C4orf54: variants seen among roughly 807,000 people sequenced by gnomAD.
The protein encoded by C4orf54 is chromosome 4 open reading frame 54, also known as uncharacterized protein C4orf54.
C4orf54 carries 67 observed loss-of-function variants against 80.1 expected under a neutral mutation model. The observed-to-expected ratio is 0.84, with a 90% CI of 0.69 to 1.03. The LOEUF is 1.03. Among genes scored for constraint, C4orf54 ranks in the 50% least tolerant of loss-of-function variants. The pLI is 0.00. For missense variants in C4orf54, 2,434 were observed against 2,253.5 expected (o/e 1.08, Z -1.62); for synonymous variants, 1,000 against 917.0 (o/e 1.09, Z -1.64).
intron 2 of C4orf54, among the ~76,000 whole-genome samples, chr4:99,643,784 ACACACACACC>A (rs1480678321): frequency 2.9e-3 from 358 of 123,148 alleles, no homozygotes; most frequent in African/African-American, 5.5e-3. Context: ...ACACACACAC[ACACACACACC>A]CCCTCCGCGG....
chr4:99,648,830 T>G (rs1726742503), intron 2 of C4orf54, among the ~76,000 whole-genome samples: 1 of 152,174 alleles, frequency 6.6e-6, no homozygotes, highest in South Asian at 2.1e-4. Flanking sequence ...CCTGGGATGT[T>G]CAGTGCCTCC....
Position 99,652,944 on chromosome 4 carries a change from G to A in C4orf54, c.1705C>T (p.Gln569Ter), listed in dbSNP as rs1726881766. 3 of 1,536,186 alleles carry A rather than the reference G, an allele frequency of 2.0e-6. No individual in the cohort carries two copies. Among genetic ancestry groups the A allele is most frequent in the Non-Finnish European group, 2.6e-6 (3 of 1,146,928 alleles). ...AAEHNSSSLK[Q>*]NPAAAVAQDH... ...TGAGCCACTGCTGCAGCCGGGTTTT[G>A]CTTCAGCGAACTTGAATTGTGTTCA... The change falls in exon 2 of 3, where the codon CAA becomes TAA. Residue 569 changes from glutamine to a stop codon, truncating the protein, a stop_gained. Transcript: ENST00000511828. LOFTEE classifies it high-confidence loss of function.
chr4:99,655,351 C>T (rs1243819460), intron 1 of C4orf54, among the ~76,000 whole-genome samples: 1 of 152,178 alleles, frequency 6.6e-6, no homozygotes, highest in Non-Finnish European at 1.5e-5. Flanking sequence ...CCCTACAGTG[C>T]CTTAATCAAT....
At position 99,654,092 on chromosome 4, in the gene C4orf54, G is replaced by A; in HGVS notation, c.557C>T (p.Ala186Val). The change falls in exon 2 of 3, where the codon GCC (alanine) becomes GTC (valine). Residue 186 changes from alanine to valine, a missense_variant. By Grantham distance (64) the Ala-to-Val change is moderately conservative. Transcript: ENST00000511828. Reference protein sequence around the residue: ...QQLWPLPKPSASSQREAKYVD... With the variant: ...QQLWPLPKPSVSSQREAKYVD... ...ATATTTCGCTTCTCGCTGGGAGGAG[G>A]CTGAAGGCTTGGGAAGTGGCCACAG... 1 of 1,536,146 alleles carries A rather than the reference G, an allele frequency of 6.5e-7. No homozygotes were observed. Among genetic ancestry groups the A allele is most frequent in the Non-Finnish European group, 8.7e-7 (1 of 1,146,910 alleles).
At chr4:99,648,948 G>C (rs1156723389) in intron 2 of C4orf54, among the ~76,000 whole-genome samples, 1 of 152,104 alleles carries the variant, frequency 6.6e-6, no homozygotes, top group Non-Finnish European at 1.5e-5. Flanking sequence ...TGAAGGAACA[G>C]ACCCAAGGTT....
rs977240291 is a variant in C4orf54 at position 99,654,616 on chromosome 4, A to G, written c.33T>C (p.Gly11=). The change falls in exon 2 of 3, where the codon GGT becomes GGC. Residue 11 remains glycine, a synonymous_variant. Coordinates refer to ENST00000511828, the MANE Select transcript of C4orf54 (RefSeq NM_001354435.2). The stretch of plus-strand genomic sequence containing the variant: ...CGGAAGAAGCAGCATCTGTAGGTTG[A>G]CCCCGGGACTTCCAGAAATGAAAGG... MLSFHFWKSR[G]QPTDAASSVA... is the part of the protein sequence containing the mutation. 1.3e-5 allele frequency: 9 copies of G among 697,286 alleles called. No homozygotes were observed. The highest frequency in any genetic ancestry group is 1.2e-4 in the African/African-American group (7 of 57,102). 43.2% of individuals were successfully genotyped at this position (697,286 alleles called of 1,614,324 possible). A position where few individuals can be genotyped will look rare whatever the true frequency, so the allele number is the denominator to read the frequency against.
At chr4:99,648,628 C>A (rs946234468) in intron 2 of C4orf54, among the ~76,000 whole-genome samples, 1 of 151,338 alleles carries the variant, frequency 6.6e-6, no homozygotes. Flanking sequence ...AGAACATGTT[C>A]TGATTATCTG....
In C4orf54 at chr4:99,649,994, G is replaced by C. The variant is rs1450373564; in HGVS notation, c.4655C>G (p.Pro1552Arg). ...GTAGATGGTGGTGGGGGGATGCTCG[G>C]GGCTCTGTGGCCCTGGGGGGGCAGC... ...TVAAPPGPQS[P>R]EHPPTTIYHQ... The change falls in exon 2 of 3, where the codon CCC becomes CGC. Residue 1552 changes from proline (P) to arginine (R), a missense_variant. Physicochemically the swap from Pro to Arg is moderately radical, Grantham distance 103 (BLOSUM62 -2). Coordinates refer to ENST00000511828, the MANE Select transcript of C4orf54 (RefSeq NM_001354435.2). 1 of 1,535,670 alleles carries C rather than the reference G, an allele frequency of 6.5e-7. No individual in the cohort carries two copies. The highest frequency in any genetic ancestry group is 1.2e-5 in the South Asian group (1 of 84,032).
In C4orf54 at chr4:99,651,430, C is replaced by G. The variant is rs774175933; in HGVS notation, c.3219G>C (p.Gln1073His). The G allele has an allele frequency of 1.4e-5, 22 of 1,536,284 alleles. No homozygotes were observed. The South Asian group carries it at 2.5e-4, about 17-fold the overall frequency. ...KTIEDNSRAQQKLFRGDNLEK... is the reference protein window; with the variant it reads ...KTIEDNSRAQHKLFRGDNLEK... ...CTAGGTTGTCCCCGCGGAAGAGTTT[C>G]TGCTGTGCCCTGCTGTTGTCCTCGA... is the stretch of plus-strand genomic sequence containing the variant. The change falls in exon 2 of 3, where the codon CAG becomes CAC. Residue 1073 changes from glutamine to histidine, a missense_variant. Coordinates refer to ENST00000511828, the MANE Select transcript of C4orf54 (RefSeq NM_001354435.2).
At position 99,657,600 on chromosome 4, in the gene C4orf54, C is replaced by T. The variant is rs576888747; in HGVS notation, c.-137G>A. Among the ~76,000 whole-genome samples, 11 of 152,228 alleles carry T rather than the reference C, an allele frequency of 7.2e-5. No homozygotes were observed. Among genetic ancestry groups the T allele is most frequent in the East Asian group, 5.8e-4 (3 of 5,180 alleles). On this transcript the variant is annotated 5_prime_UTR_variant, in exon 1 of 3. Transcript: ENST00000511828. ...TTTTCAAATGAAGTCAATTTCCAGT[C>T]GGGTTTAATTCAAACCACAAATTCT...
In C4orf54 at chr4:99,640,364, A is replaced by C. The variant is rs193008767; in HGVS notation, c.*869T>G. ...TCACTCTTTAGACTCTAAACAATCC[A>C]TGAGAGACACGAGTATGCAACTATG... On this transcript the variant is annotated 3_prime_UTR_variant, in exon 3 of 3. Coordinates refer to ENST00000511828, the MANE Select transcript of C4orf54 (RefSeq NM_001354435.2). 1.3e-4 allele frequency: 20 copies of C among 152,296 alleles called. 1 individual carries two copies. Among genetic ancestry groups the C allele is most frequent in the Admixed American group, 9.8e-4 (15 of 15,292 alleles). The allele number at this position is 152,296 out of a possible 1,614,324, so 9.4% of individuals were successfully genotyped here.
At chr4:99,657,196 T>A (rs2110259398) in intron 1 of C4orf54, among the ~76,000 whole-genome samples, 1 of 152,372 alleles carries the variant, frequency 6.6e-6, no homozygotes, top group East Asian at 1.9e-4. Flanking sequence ...TACTCCATAG[T>A]GGAATAGAAG....
At chr4:99,641,781 T>C (rs2110247430) in intron 2 of C4orf54, among the ~76,000 whole-genome samples, 1 of 152,268 alleles carries the variant, frequency 6.6e-6, no homozygotes, top group East Asian at 1.9e-4. Flanking sequence ...TCTCTCTCTA[T>C]CTCCATATAA....
intron 2 of C4orf54, among the ~76,000 whole-genome samples, chr4:99,646,113 G>A (rs548127809): frequency 6.6e-6 from 1 of 152,100 alleles, no homozygotes; most frequent in South Asian, 2.1e-4. Flanking sequence ...ATACGGGAAG[G>A]AACAAAAGTG....
In C4orf54 at chr4:99,653,135, G is replaced by A. The variant is rs1308492825; in HGVS notation, c.1514C>T (p.Ala505Val). 1.3e-6 allele frequency: 2 copies of A among 1,536,178 alleles called. No homozygotes were observed. Among genetic ancestry groups the A allele is most frequent in the East Asian group, 2.4e-5 (1 of 40,902 alleles). ...CCCACAGCTGCTTGCGGCGGCGGCTGCTGCCCCTGAAGCTGCCTCCGGGGT... is the reference window on the plus strand; with the variant it reads ...CCCACAGCTGCTTGCGGCGGCGGCTACTGCCCCTGAAGCTGCCTCCGGGGT... ...PETPEAASGA[A>V]AAAASSCGSA... Residue 505 changes from alanine to valine, a missense_variant, in exon 2 of 3, where the codon GCA becomes GTA. Ala to Val is a moderately conservative substitution (Grantham distance 64). Transcript: ENST00000511828.
intron 1 of C4orf54, among the ~76,000 whole-genome samples, chr4:99,657,136 G>A (rs1726990658): frequency 6.6e-6 from 1 of 152,248 alleles, no homozygotes; most frequent in African/African-American, 2.4e-5. Context: ...GGCTAACCGT[G>A]TCTTGGACGA....
At position 99,653,892 on chromosome 4, in the gene C4orf54, A is replaced by G. The variant is rs1726915051; in HGVS notation, c.757T>C (p.Ser253Pro). ...PQNNPASSQL[S>P]RSQHSASEEG... ...TCAGAGGCAGAGTGCTGGGATCTAG[A>G]GAGTTGGGAGGAGGCAGGATTGTTC... The change falls in exon 2 of 3, where the codon TCT becomes CCT. Residue 253 changes from serine (S) to proline (P), a missense_variant. Transcript: ENST00000511828. The G allele has an allele frequency of 5.2e-6, 8 of 1,535,996 alleles. No homozygotes were observed. The highest frequency in any genetic ancestry group is 6.1e-6 in the Non-Finnish European group (7 of 1,146,870).
rs1243936789 is a variant in C4orf54, at chr4:99,651,955, G to C, written c.2694C>G (p.Phe898Leu). ...GSVAGSKSPV[F>L]KASTPRERNA... Reference sequence around the variant, plus strand: ...TGCGCTCGCGAGGAGTACTGGCTTTGAAGACTGGAGATTTGGAGCCCGCCA... The same window carrying C: ...TGCGCTCGCGAGGAGTACTGGCTTTCAAGACTGGAGATTTGGAGCCCGCCA... Residue 898 changes from phenylalanine to leucine, a missense_variant, in exon 2 of 3, where the codon TTC becomes TTG. Coordinates refer to ENST00000511828, the MANE Select transcript of C4orf54 (RefSeq NM_001354435.2). 8.5e-6 allele frequency: 13 copies of C among 1,536,170 alleles called. No homozygotes were observed. The highest frequency in any genetic ancestry group is 1.0e-5 in the Non-Finnish European group (12 of 1,146,914).
In C4orf54 at chr4:99,650,459, A is replaced by G; in HGVS notation, c.4190T>C (p.Val1397Ala). ...GATGCTGCTGGCACTCACTGTGAAC[A>G]CGTTCCGGTTGCTGGGGAGTGGTGG... The part of the protein sequence containing the change: ...PLPPLPSNRN[V>A]FTVSASSIQK... The change falls in exon 2 of 3, where the codon GTG becomes GCG. Residue 1397 changes from valine to alanine, a missense_variant. Physicochemically the swap from Val to Ala is moderately conservative, Grantham distance 64. Transcript: ENST00000511828. 1 of 1,535,836 alleles carries G rather than the reference A, an allele frequency of 6.5e-7. No individual in the cohort carries two copies. The highest frequency in any genetic ancestry group is 2.4e-5 in the East Asian group (1 of 40,878).
Sources: gnomAD v4.1 joint callset for allele counts (sites outside exome capture counted in the v4.1 genomes callset) on GRCh38, gnomAD v4.1.1 for gene constraint, MANE v1.5 for transcripts, NCBI Gene and HGNC (gene_info 2026-07-23, HGNC 2026-07-21) for gene names.